OGN: variants seen among roughly 807,000 people sequenced by gnomAD.
OGN encodes the protein osteoglycin.
A neutral mutation model predicts 30.8 loss-of-function variants in OGN; 19 were observed. The ratio of observed to expected loss-of-function variants is 0.62; its 90% confidence interval spans 0.43 to 0.90. The LOEUF is 0.90. Among genes scored for constraint, OGN ranks in the 40% least tolerant of loss-of-function variants. The pLI is 0.00. For synonymous variants in OGN, 126 were observed against 128.3 expected (o/e 0.98, Z 0.12); for missense variants, 283 against 349.7 (o/e 0.81, Z 1.52).
chr9:92,404,554 A>G lies in OGN; in HGVS notation c.-134T>C, dbSNP rs762122029. 9 of 1,297,950 alleles carry G rather than the reference A, an allele frequency of 6.9e-6. No homozygotes were observed. The highest frequency in any genetic ancestry group is 2.4e-5 in the Admixed American group (1 of 41,276). The allele number at this position is 1,297,950 out of a possible 1,614,324, so 80.4% of individuals were successfully genotyped here. A position where few individuals can be genotyped will look rare whatever the true frequency, so the allele number is the denominator to read the frequency against. Reference sequence around the variant, plus strand: ...CCTCAATAGATGTTCATGTCTGTGCATTAGCCCCAAGTGGGAGGGTGAATG... The same window carrying G: ...CCTCAATAGATGTTCATGTCTGTGCGTTAGCCCCAAGTGGGAGGGTGAATG... On this transcript the variant is annotated 5_prime_UTR_variant, in exon 1 of 7. The change abolishes an upstream ATG in the 5' untranslated region. Transcript: ENST00000375561.
chr9:92,397,493 AT>A (rs1055629238), intron 3 of OGN, among the ~76,000 whole-genome samples: 18 of 151,684 alleles, frequency 1.2e-4, no homozygotes, highest in African/African-American at 3.6e-4. Flanking sequence ...TGCCCAGCTA[AT>A]TTTTTTTGTA....
rs1380 is a variant in OGN at position 92,385,152 on chromosome 9, C to T, written c.*468G>A. 0.11 allele frequency: 17,525 copies of T among 153,104 alleles called. 1,063 individuals carry two copies. Among genetic ancestry groups the T allele is most frequent in the Middle Eastern group, 0.15 (45 of 294 alleles). The allele number at this position is 153,104 out of a possible 1,614,324, so 9.5% of individuals were successfully genotyped here. On this transcript the variant is annotated 3_prime_UTR_variant, in exon 7 of 7. Coordinates refer to ENST00000375561, the MANE Select transcript of OGN (RefSeq NM_014057.5). ...AAAGTTCTTACTTTATAAGGAATAA[C>T]GTATGAATCATAAAAGAAGAATGAG... is the stretch of plus-strand genomic sequence containing the variant.
At chr9:92,404,318 ATTC>A (rs1440569466) in intron 1 of OGN, among the ~76,000 whole-genome samples, 175 bp downstream of exon 1, 1 of 152,168 alleles carries the variant, frequency 6.6e-6, no homozygotes, top group African/African-American at 2.4e-5. Flanking sequence ...GCAGCACCCT[ATTC>A]TTGCCTGCGT....
chr9:92,403,210 A>C (rs1394198727), intron 2 of OGN, 24 bp downstream of exon 2: 9 of 1,483,764 alleles, frequency 6.1e-6, no homozygotes, highest in Non-Finnish European at 5.5e-6. Flanking sequence ...TTTAGAAGCT[A>C]AATTTAGAAT....
At chr9:92,403,593 T>C in intron 1 of OGN, 111 bp from the exon 2 acceptor site, 5 of 1,226,254 alleles carry the variant, frequency 4.1e-6, no homozygotes, top group Non-Finnish European at 5.1e-6. Flanking sequence ...TAGTGATCTT[T>C]AATTAGATGC....
chr9:92,403,287 A>G lies in OGN; in HGVS notation c.121T>C (p.Ser41Pro). 1 of 1,610,496 alleles carries G rather than the reference A, an allele frequency of 6.2e-7. No homozygotes were observed. The highest frequency in any genetic ancestry group is 8.5e-7 in the Non-Finnish European group (1 of 1,177,170). ...YDYGTDNFEE[S>P]IFSQDYEDKY... ...TCCTCATAATCTTGGCTAAATATGG[A>G]TTCTTCAAAATTATCTGTTCCATAA... The change falls in exon 2 of 7, where the codon TCC becomes CCC. Residue 41 changes from serine (S) to proline (P), a missense_variant. Transcript: ENST00000375561.
At position 92,390,587 on chromosome 9, in the gene OGN, T is replaced by TGTGTGTGTGTGCGCGC. The variant is rs749697394; in HGVS notation, c.428-532_428-531insGCGCGCACACACACAC. On this transcript the variant is annotated intron_variant, in intron 4 of 6. Coordinates refer to ENST00000375561, the MANE Select transcript of OGN (RefSeq NM_014057.5). ...CAGTGTGTGTGTGTGTGTGTGTGTG[T>TGTGTGTGTGTGCGCGC]GCGCGCGCGCGTACTTGCGTGTGCA... 2.8e-3 allele frequency among the ~76,000 whole-genome samples: 402 copies of TGTGTGTGTGTGCGCGC among 141,900 alleles called. 3 individuals carry two copies. The highest frequency in any genetic ancestry group is 0.016 in the South Asian group (69 of 4,282). The allele number at this position is 141,900 out of a possible 152,430, so 93.1% of individuals were successfully genotyped here.
chr9:92,403,204 G>A (rs1313221647), intron 2 of OGN, 30 bp downstream of exon 2: 1 of 1,445,484 alleles, frequency 6.9e-7, no homozygotes, highest in Non-Finnish European at 9.5e-7. Context: ...CAGTATTTTA[G>A]AAGCTAAATT....
chr9:92,392,041 A>C lies in OGN; in HGVS notation c.427+1045T>G, dbSNP rs184194283. On this transcript the variant is annotated intron_variant, in intron 4 of 6. Transcript: ENST00000375561. ...TGTGATTTTTTTCAGAACTCTTGAC[A>C]ATATTAGGAGTCTAGAAAACTGACA... Among the ~76,000 whole-genome samples, 5 of 152,062 alleles carry C rather than the reference A, an allele frequency of 3.3e-5. No individual in the cohort carries two copies. In the East Asian group the frequency reaches 9.7e-4, roughly 30 times the overall value.
chr9:92,389,370 C>G (rs1294905821), intron 5 of OGN, among the ~76,000 whole-genome samples: 2 of 152,122 alleles, frequency 1.3e-5, no homozygotes, highest in Non-Finnish European at 2.9e-5. Context: ...ATTACATGCT[C>G]TCATGAAATT....
intron 3 of OGN, among the ~76,000 whole-genome samples, chr9:92,399,240 AT>A (rs1588098547): frequency 6.6e-6 from 1 of 152,052 alleles, no homozygotes; most frequent in Middle Eastern, 3.4e-3. Flanking sequence ...TCATACTTCA[AT>A]TTTTTTCAAT....
chr9:92,402,267 A>G (rs78680950), intron 2 of OGN, among the ~76,000 whole-genome samples: 210 of 152,324 alleles, frequency 1.4e-3, no homozygotes, highest in African/African-American at 4.6e-3. Context: ...ATGCTATCAT[A>G]TTAAAAGCAT....
intron 4 of OGN, among the ~76,000 whole-genome samples, chr9:92,392,443 G>A (rs941581972): frequency 1.2e-4 from 19 of 152,108 alleles, no homozygotes; most frequent in Admixed American, 2.6e-4. Context: ...CCAACATGGT[G>A]AAACCCCATC....
At chr9:92,402,278 T>C (rs1000816688) in intron 2 of OGN, among the ~76,000 whole-genome samples, 6 of 152,170 alleles carry the variant, frequency 3.9e-5, no homozygotes, top group Admixed American at 1.3e-4. Context: ...TTAAAAGCAT[T>C]AACTGAAAGA....
At chr9:92,390,938 G>T (rs757543980) in intron 4 of OGN, among the ~76,000 whole-genome samples, 1 of 152,178 alleles carries the variant, frequency 6.6e-6, no homozygotes, top group South Asian at 2.1e-4. Context: ...GATGTTAGAC[G>T]TCACTTCAGC....
chr9:92,390,192 C>T (rs2130893352), intron 4 of OGN, 136 bp from the exon 5 acceptor site: 2 of 579,388 alleles, frequency 3.5e-6, no homozygotes, highest in East Asian at 5.7e-5. Context: ...CAATTCATAG[C>T]CCAGTAAAGT....
At chr9:92,387,277 G>A (rs371685953) in intron 5 of OGN, among the ~76,000 whole-genome samples, 4 of 151,672 alleles carry the variant, frequency 2.6e-5, no homozygotes, top group African/African-American at 9.7e-5. Flanking sequence ...GAGCCTGAGT[G>A]AGGCAGGAGA....
intron 5 of OGN, among the ~76,000 whole-genome samples, chr9:92,386,940 C>T (rs1588081320): frequency 6.7e-6 from 1 of 148,912 alleles, no homozygotes; most frequent in Non-Finnish European, 1.5e-5. Flanking sequence ...CCCAGCTACT[C>T]GGGAGGCTGA....
Position 92,384,525 on chromosome 9 carries a change from A to G in OGN, c.*1095T>C, listed in dbSNP as rs1272539868. On this transcript the variant is annotated 3_prime_UTR_variant, in exon 7 of 7. Transcript: ENST00000375561. Reference sequence around the variant, plus strand: ...CAAGTGAGAGGAATGTTATTTTAGAAACTTTACTCTGGCACCACTGAGTCA... The same window carrying G: ...CAAGTGAGAGGAATGTTATTTTAGAGACTTTACTCTGGCACCACTGAGTCA... The G allele has an allele frequency of 6.6e-6, 1 of 152,196 alleles. No individual in the cohort carries two copies. The highest frequency in any genetic ancestry group is 1.5e-5 in the Non-Finnish European group (1 of 68,012). 9.4% of individuals were successfully genotyped at this position (152,196 alleles called of 1,614,324 possible).
Sources: gnomAD v4.1 joint callset for allele counts (sites outside exome capture counted in the v4.1 genomes callset) on GRCh38, gnomAD v4.1.1 for gene constraint, MANE v1.5 for transcripts, NCBI Gene and HGNC (gene_info 2026-07-23, HGNC 2026-07-21) for gene names.